Variants in RIMBP2 observed in about 807,000 individuals in gnomAD.
RIMBP2 encodes the protein RIMS-binding protein 2.
A neutral mutation model predicts 118.6 loss-of-function variants in RIMBP2; 48 were observed. The observed-to-expected ratio is 0.40, with a 90% CI of 0.32 to 0.51. RIMBP2 has a LOEUF of 0.51. RIMBP2 is among the 20% of genes least tolerant of loss of function. RIMBP2 has a pLI of 0.41. For synonymous variants in RIMBP2, 762 were observed against 742.9 expected, an observed-to-expected ratio of 1.03 and a Z score of -0.42; for missense variants, 1,551 against 1,768.3, an observed-to-expected ratio of 0.88 and a Z score of 2.20.
intron 3 of RIMBP2, among the ~76,000 whole-genome samples, chr12:130,516,080 G>C (rs2051423021): frequency 6.6e-6 from 1 of 152,158 alleles, no homozygotes; most frequent in South Asian, 2.1e-4. Context: ...ATTCCATACT[G>C]TTTTCTATAG....
chr12:130,461,349 G>A (rs2079975532), intron 6 of RIMBP2, among the ~76,000 whole-genome samples: 1 of 152,184 alleles, frequency 6.6e-6, no homozygotes, highest in African/African-American at 2.4e-5. Flanking sequence ...AGCAGGGGCA[G>A]GGGCAGGGTA....
At chr12:130,466,996 T>C (rs1042217200) in intron 6 of RIMBP2, among the ~76,000 whole-genome samples, 6 of 152,206 alleles carry the variant, frequency 3.9e-5, no homozygotes, top group African/African-American at 1.4e-4. Flanking sequence ...CTTCTCTACC[T>C]ATTGAAACCA....
At chr12:130,573,681 A>C (rs1193648127) in intron 2 of RIMBP2, among the ~76,000 whole-genome samples, 1 of 152,106 alleles carries the variant, frequency 6.6e-6, no homozygotes, top group Admixed American at 6.5e-5. Flanking sequence ...CCTCAGTGAC[A>C]GGGGTAGCCA....
chr12:130,710,422 G>GCA lies in RIMBP2; in HGVS notation c.-352+5798_-352+5799dup, dbSNP rs542733098. 0.019 allele frequency among the ~76,000 whole-genome samples: 2,878 copies of GCA among 151,808 alleles called. 99 individuals are homozygous for GCA. Among genetic ancestry groups the GCA allele is most frequent in the African/African-American group, 0.065 (2,689 of 41,390 alleles). The stretch of plus-strand genomic sequence containing the variant: ...TTCACTTGCCCGTTGTCTTACACAT[G>GCA]CACACACACACATACACGCAGGCGC... On this transcript the variant is annotated intron_variant, in intron 1 of 22. Coordinates refer to ENST00000690449, the MANE Select transcript of RIMBP2 (RefSeq NM_001393629.1). This position sits in a 1 kb window ranked among gnomAD's most constrained non-coding sequence, Gnocchi z 4.3.
intron 2 of RIMBP2, among the ~76,000 whole-genome samples, chr12:130,610,328 G>A (rs1459589454): frequency 6.6e-6 from 1 of 152,138 alleles, no homozygotes; most frequent in Non-Finnish European, 1.5e-5. Flanking sequence ...CCATTTCCAG[G>A]GCTTAAAGCT....
At chr12:130,633,092 A>G (rs1017746952) in intron 1 of RIMBP2, among the ~76,000 whole-genome samples, 2 of 152,228 alleles carry the variant, frequency 1.3e-5, no homozygotes, top group African/African-American at 2.4e-5. Flanking sequence ...AGAATAAAAA[A>G]AGAACCCCCC....
intron 2 of RIMBP2, among the ~76,000 whole-genome samples, chr12:130,545,336 T>C (rs1183403196): frequency 1.3e-5 from 2 of 152,248 alleles, no homozygotes; most frequent in Non-Finnish European, 2.9e-5. Context: ...TCAACCAACG[T>C]GTGCCCTACG....
At position 130,617,346 on chromosome 12, in the gene RIMBP2, C is replaced by T. The variant is rs2061008948; in HGVS notation, c.-217+10976G>A. Among the ~76,000 whole-genome samples, 1 of 152,230 alleles carries T rather than the reference C, an allele frequency of 6.6e-6. No homozygotes were observed. The highest frequency in any genetic ancestry group is 1.5e-5 in the Non-Finnish European group (1 of 68,054). On this transcript the variant is annotated intron_variant, in intron 2 of 22. Transcript: ENST00000690449. The surrounding 1 kb of genome is among the most constrained non-coding windows in gnomAD (Gnocchi z 4.6). ...GGCGTCATCCCTGCCCTTTGCCTCT[C>T]ACTGACATTTCCTCTCCCTCCTCAC...
At chr12:130,699,271 A>G (rs1321491711) in intron 1 of RIMBP2, among the ~76,000 whole-genome samples, 1 of 152,206 alleles carries the variant, frequency 6.6e-6, no homozygotes, top group Non-Finnish European at 1.5e-5. Flanking sequence ...ATAAAGACAC[A>G]TGCACACGTA....
intron 11 of RIMBP2, among the ~76,000 whole-genome samples, chr12:130,440,961 T>C (rs1485189468): frequency 6.6e-6 from 1 of 152,040 alleles, no homozygotes; most frequent in Admixed American, 6.5e-5. Context: ...ACGAAGAAAG[T>C]GTCCACACTC....
At chr12:130,461,698 G>C (rs1253548386) in intron 6 of RIMBP2, among the ~76,000 whole-genome samples, 3 of 152,000 alleles carry the variant, frequency 2.0e-5, no homozygotes, top group African/African-American at 4.8e-5. Flanking sequence ...GTTCACACAA[G>C]GTCTGCTTGT....
In RIMBP2 at chr12:130,418,094, G is replaced by A. The variant is rs74883192; in HGVS notation, c.3239-3788C>T. On this transcript the variant is annotated intron_variant, in intron 17 of 22. Transcript: ENST00000690449. Reference sequence around the variant, plus strand: ...CAGGTGGTGGAGAAAGAACCAAACCGTTTGGCCTCTTTCACCAGAAAAAAT... The same window carrying A: ...CAGGTGGTGGAGAAAGAACCAAACCATTTGGCCTCTTTCACCAGAAAAAAT... Among the ~76,000 whole-genome samples, 905 of 152,276 alleles carry A rather than the reference G, an allele frequency of 5.9e-3. 12 individuals carry two copies. Among genetic ancestry groups the A allele is most frequent in the African/African-American group, 0.021 (859 of 41,544 alleles).
chr12:130,572,196 G>GTGGCCACAGTGTGGAC, intron 2 of RIMBP2, among the ~76,000 whole-genome samples: 1 of 152,206 alleles, frequency 6.6e-6, no homozygotes. Context: ...CAGGGACAAA[G>GTGGCCACAGTGTGGAC]CGGCCGGAAA....
chr12:130,658,682 G>A (rs936975847), intron 1 of RIMBP2: 1 of 152,186 alleles, frequency 6.6e-6, no homozygotes, highest in Admixed American at 6.5e-5. Flanking sequence ...AGCAAGGCTG[G>A]GGCCATTTTA....
intron 2 of RIMBP2, among the ~76,000 whole-genome samples, chr12:130,595,682 T>G (rs2059516831): frequency 6.7e-6 from 1 of 149,860 alleles, no homozygotes; most frequent in Non-Finnish European, 1.5e-5. Flanking sequence ...GTGAGAACAA[T>G]GCGCGTGCAC....
At chr12:130,618,606 G>A (rs570693985) in intron 2 of RIMBP2, among the ~76,000 whole-genome samples, 5 of 152,202 alleles carry the variant, frequency 3.3e-5, no homozygotes, top group East Asian at 1.9e-4. Flanking sequence ...GGAGTTCTGC[G>A]GCTCTTCCTG....
At chr12:130,418,782 T>C (rs2076248977) in intron 17 of RIMBP2, among the ~76,000 whole-genome samples, 1 of 152,158 alleles carries the variant, frequency 6.6e-6, no homozygotes, top group East Asian at 1.9e-4. Flanking sequence ...AGTAGGTGGC[T>C]TATACTCAAG....
rs1371292723 is a variant in RIMBP2, at chr12:130,424,413, C to T, written c.2858G>A (p.Gly953Asp). The change falls in exon 16 of 23, where the codon GGC (glycine) becomes GAC (aspartate). Residue 953 changes from glycine to aspartate, a missense_variant. Gly to Asp is a moderately conservative substitution (Grantham distance 94, BLOSUM62 -1). Coordinates refer to ENST00000690449, the MANE Select transcript of RIMBP2 (RefSeq NM_001393629.1). This position sits in a 1 kb window ranked among gnomAD's most constrained non-coding sequence, Gnocchi z 9.8. ...PGPGHCPCRRGPRPLLARRRT... is the reference protein window; with the variant it reads ...PGPGHCPCRRDPRPLLARRRT... ...CCGCCGGGCCAGCAGCGGCCTCGGGCCCCTCCTGCAGGGACAGTGACCAGG... is the reference window on the plus strand; with the variant it reads ...CCGCCGGGCCAGCAGCGGCCTCGGGTCCCTCCTGCAGGGACAGTGACCAGG... 6.5e-6 allele frequency: 8 copies of T among 1,232,850 alleles called. No individual in the cohort carries two copies. The highest frequency in any genetic ancestry group is 5.1e-6 in the Non-Finnish European group (5 of 988,292). 76.4% of individuals were successfully genotyped at this position (1,232,850 alleles called of 1,614,324 possible). A position where few individuals can be genotyped will look rare whatever the true frequency, so the allele number is the denominator to read the frequency against.
intron 1 of RIMBP2, among the ~76,000 whole-genome samples, chr12:130,641,009 G>A (rs1038723792): frequency 7.2e-5 from 11 of 152,160 alleles, no homozygotes; most frequent in Admixed American, 4.6e-4. Flanking sequence ...AACTAATGTC[G>A]GCGTCACAGC....
Sources: allele counts gnomAD v4.1 joint callset (sites outside exome capture counted in the v4.1 genomes callset), GRCh38; gene constraint gnomAD v4.1.1; non-coding constraint Gnocchi (gnomAD v3.1); transcripts MANE v1.5; gene names NCBI Gene and HGNC (gene_info 2026-07-23, HGNC 2026-07-21).